The following ARL6IP6 variants were observed in gnomAD, a reference collection of about 807,000 sequenced individuals.
The protein encoded by ARL6IP6 is ARF like GTPase 6 interacting protein 6.
Under a neutral mutation model 21.5 loss-of-function variants are expected in ARL6IP6, and 22 were observed. The ratio of observed to expected loss-of-function variants is 1.02; its 90% CI spans 0.73 to 1.46. ARL6IP6 has a LOEUF of 1.46. Ranked by LOEUF, ARL6IP6 falls within the 40% of genes most tolerant of loss-of-function variation. ARL6IP6 has a pLI of 0.00. For missense variants in ARL6IP6, 388 were observed against 299.8 expected (o/e 1.29, Z -2.17); for synonymous variants, 164 against 125.3 (o/e 1.31, Z -2.06).
intron 3 of ARL6IP6, among the ~76,000 whole-genome samples, chr2:152,749,950 C>T (rs995371538): frequency 1.3e-5 from 2 of 152,160 alleles, no homozygotes; most frequent in Non-Finnish European, 2.9e-5. Flanking sequence ...AATGAAGAGT[C>T]ACATCTTAAC....
rs1405436732 is a variant in ARL6IP6, at chr2:152,761,306, A to G, written c.*1466A>G. 3 of 152,136 alleles carry G rather than the reference A, an allele frequency of 2.0e-5. No homozygotes were observed. Among genetic ancestry groups the G allele is most frequent in the African/African-American group, 7.2e-5 (3 of 41,432 alleles). 9.4% of individuals were successfully genotyped at this position (152,136 alleles called of 1,614,324 possible). ...ATCCCATGGCTTAAGTATTCCTACC[A>G]GAGTGGTGGTTGCCATCAGTCTATT... On this transcript the variant is annotated 3_prime_UTR_variant, in exon 4 of 4. Transcript: ENST00000326446.
At chr2:152,721,272 C>T (rs10497113) in intron 2 of ARL6IP6, among the ~76,000 whole-genome samples, 19,979 of 152,124 alleles carry the variant, frequency 0.13, 1,577 homozygotes, top group Middle Eastern at 0.24. Flanking sequence ...AAAGAACTTC[C>T]TCACTATCCT....
intron 3 of ARL6IP6, among the ~76,000 whole-genome samples, chr2:152,739,264 C>T (rs1366429553): frequency 1.3e-5 from 2 of 152,168 alleles, no homozygotes; most frequent in South Asian, 2.1e-4. Context: ...GGATTACAGG[C>T]GTGAGCCACC....
At chr2:152,717,820 G>C, upstream of ARL6IP6, 2 of 1,142,892 alleles carry the variant, frequency 1.7e-6, no homozygotes, top group Non-Finnish European at 2.2e-6. Context: ...AGTTACGTAC[G>C]CCCCACAAAC....
At chr2:152,723,773 T>C (rs1699902456) in intron 2 of ARL6IP6, among the ~76,000 whole-genome samples, 1 of 148,928 alleles carries the variant, frequency 6.7e-6, no homozygotes. Flanking sequence ...GCCATCATGA[T>C]TTCGTGATAC....
At chr2:152,741,635 T>A (rs946439874) in intron 3 of ARL6IP6, among the ~76,000 whole-genome samples, 1 of 152,178 alleles carries the variant, frequency 6.6e-6, no homozygotes, top group African/African-American at 2.4e-5. Context: ...TATTCAAATT[T>A]TTTATGTTTA....
At chr2:152,732,527 C>T (rs1479172258) in intron 2 of ARL6IP6, 2 of 448,374 alleles carry the variant, frequency 4.5e-6, no homozygotes, top group Middle Eastern at 3.4e-4. Flanking sequence ...TTATTGGCTT[C>T]TAGGAATTAT....
chr2:152,735,110 T>C lies in ARL6IP6; in HGVS notation c.571T>C (p.Ser191Pro), dbSNP rs1162924729. ...EPGMFPPTPL[S>P]PARFKKLTGH... Reference sequence around the variant, plus strand: ...AGGAATGTTTCCTCCTACTCCTCTTTCACCTGCCAGGTTCAAGTAAGTATT... The same window carrying C: ...AGGAATGTTTCCTCCTACTCCTCTTCCACCTGCCAGGTTCAAGTAAGTATT... The change falls in exon 3 of 4, where the codon TCA becomes CCA. Residue 191 changes from serine to proline, a missense_variant. Physicochemically the swap from Ser to Pro is moderately conservative, Grantham distance 74 (BLOSUM62 -1). Transcript: ENST00000326446. The C allele has an allele frequency of 6.2e-7, 1 of 1,613,810 alleles. No homozygotes were observed. The highest frequency in any genetic ancestry group is 1.3e-5 in the African/African-American group (1 of 75,038).
intron 2 of ARL6IP6, among the ~76,000 whole-genome samples, chr2:152,727,351 A>C (rs759905624): frequency 3.9e-5 from 6 of 152,248 alleles, no homozygotes; most frequent in Non-Finnish European, 8.8e-5. Flanking sequence ...TTAGTAGAAA[A>C]GGGTAAAGTT....
intron 3 of ARL6IP6, among the ~76,000 whole-genome samples, chr2:152,739,815 G>T (rs1700724989): frequency 6.6e-6 from 1 of 152,200 alleles, no homozygotes; most frequent in Non-Finnish European, 1.5e-5. Flanking sequence ...CACATGGCAG[G>T]GGAGGCCTAA....
At chr2:152,717,761 C>A, upstream of ARL6IP6, 1 of 1,270,398 alleles carries the variant, frequency 7.9e-7, no homozygotes, top group Non-Finnish European at 1.0e-6. Context: ...CGCCTCACCC[C>A]GTAGGGGGTG....
chr2:152,751,736 G>C (rs1489704669), intron 3 of ARL6IP6, among the ~76,000 whole-genome samples: 1 of 152,022 alleles, frequency 6.6e-6, no homozygotes, highest in Non-Finnish European at 1.5e-5. Flanking sequence ...ATAGTATTCT[G>C]TTGTGTATAT....
At chr2:152,734,289 A>T (rs900844155) in intron 2 of ARL6IP6, among the ~76,000 whole-genome samples, 14 of 152,202 alleles carry the variant, frequency 9.2e-5, no homozygotes, top group African/African-American at 3.4e-4. Flanking sequence ...TTTGTAAATC[A>T]GGAGTCAACT....
intron 3 of ARL6IP6, among the ~76,000 whole-genome samples, chr2:152,748,979 T>G (rs1344826976): frequency 3.3e-5 from 5 of 152,216 alleles, no homozygotes; most frequent in African/African-American, 1.2e-4. Context: ...TAAGGTAATT[T>G]ATTTGGAATT....
upstream of ARL6IP6, chr2:152,717,718 A>G: frequency 2.2e-6 from 3 of 1,367,910 alleles, no homozygotes; most frequent in Non-Finnish European, 2.8e-6. Flanking sequence ...GGGGAAGGGA[A>G]GACAACAGTG....
At chr2:152,722,624 C>A (rs1003039891) in intron 2 of ARL6IP6, among the ~76,000 whole-genome samples, 3 of 152,202 alleles carry the variant, frequency 2.0e-5, no homozygotes, top group East Asian at 3.9e-4. Context: ...GGTGATCGGC[C>A]ACGCGCGGTG....
intron 2 of ARL6IP6, among the ~76,000 whole-genome samples, chr2:152,726,098 C>T (rs1373547215): frequency 6.6e-6 from 1 of 151,524 alleles, no homozygotes; most frequent in African/African-American, 2.4e-5. Context: ...TTATATACTT[C>T]TCTCAACTTT....
upstream of ARL6IP6, chr2:152,718,141 G>C (rs939310983): frequency 2.1e-5 from 18 of 850,182 alleles, no homozygotes; most frequent in African/African-American, 3.3e-4. Flanking sequence ...CCCTTAATGG[G>C]GGAACCTGGA....
intron 3 of ARL6IP6, among the ~76,000 whole-genome samples, chr2:152,749,126 A>G (rs1701193402): frequency 6.6e-6 from 1 of 152,162 alleles, no homozygotes; most frequent in African/African-American, 2.4e-5. Context: ...GAAAATAATT[A>G]TAATTCTTTT....
Sources: gnomAD v4.1 joint callset for allele counts (sites outside exome capture counted in the v4.1 genomes callset) on GRCh38, gnomAD v4.1.1 for gene constraint, MANE v1.5 for transcripts, NCBI Gene and HGNC (gene_info 2026-07-23, HGNC 2026-07-21) for gene names.